BMAL1: variants seen among roughly 807,000 people sequenced by gnomAD.
BMAL1 encodes the protein basic helix-loop-helix ARNT like 1.
the BMAL1 span, among the ~76,000 whole-genome samples, chr11:13,370,780 G>A: frequency 4.6e-5 from 7 of 152,112 alleles, no homozygotes; most frequent in African/African-American, 1.7e-4. Flanking sequence ...ACCCTTCAGT[G>A]TTCCCTATTG....
chr11:13,355,349 G>T, the BMAL1 span: 1 of 1,564,850 alleles, frequency 6.4e-7, no homozygotes, highest in African/African-American at 1.4e-5. Flanking sequence ...TGGAGAGTGG[G>T]TATGAGGGCT....
chr11:13,353,314 C>G, the BMAL1 span: 2 of 156,812 alleles, frequency 1.3e-5, no homozygotes, highest in Non-Finnish European at 2.9e-5. Context: ...CCTCACCACT[C>G]CATGTGCGTC....
chr11:13,296,576 A>G, the BMAL1 span, among the ~76,000 whole-genome samples: 4 of 152,366 alleles, frequency 2.6e-5, no homozygotes, highest in East Asian at 1.9e-4. Context: ...AAATGTATCT[A>G]CATACACGCA....
the BMAL1 span, chr11:13,355,396 G>A: frequency 1.8e-6 from 2 of 1,139,010 alleles, no homozygotes; most frequent in African/African-American, 3.0e-5. Context: ...CTCCCCAGCA[G>A]AAAGACTGCG....
At chr11:13,304,043 G>A in the BMAL1 span, among the ~76,000 whole-genome samples, 1 of 152,114 alleles carries the variant, frequency 6.6e-6, no homozygotes, top group Non-Finnish European at 1.5e-5. Flanking sequence ...ATGGAGTTGT[G>A]GGGGCCAGGC....
At chr11:13,297,754 C>T in the BMAL1 span, among the ~76,000 whole-genome samples, 3 of 152,226 alleles carry the variant, frequency 2.0e-5, no homozygotes, top group Admixed American at 2.0e-4. Flanking sequence ...TCCATCCTAG[C>T]TGAGTGACAT....
the BMAL1 span, among the ~76,000 whole-genome samples, chr11:13,301,050 A>T: frequency 6.6e-6 from 1 of 151,996 alleles, no homozygotes; most frequent in East Asian, 1.9e-4. Context: ...CGATTCTCCT[A>T]CCTCTGCCTC....
the BMAL1 span, among the ~76,000 whole-genome samples, chr11:13,300,899 G>A: frequency 6.6e-6 from 1 of 152,170 alleles, no homozygotes; most frequent in Admixed American, 6.5e-5. Context: ...GCTTTGGAAT[G>A]ATGGGGAAGG....
chr11:13,316,085 G>T, the BMAL1 span, among the ~76,000 whole-genome samples: 16 of 152,112 alleles, frequency 1.1e-4, no homozygotes, highest in Non-Finnish European at 2.2e-4. Flanking sequence ...AAGGAAAGGG[G>T]CCCCCTTTGT....
chr11:13,282,618 C>T, the BMAL1 span, among the ~76,000 whole-genome samples: 4 of 152,304 alleles, frequency 2.6e-5, no homozygotes, highest in African/African-American at 9.6e-5. Flanking sequence ...GGACCCAGGG[C>T]CTTGGTCCTG....
At chr11:13,338,850 G>A in the BMAL1 span, among the ~76,000 whole-genome samples, 3 of 152,254 alleles carry the variant, frequency 2.0e-5, no homozygotes, top group Non-Finnish European at 4.4e-5. Flanking sequence ...TCCTAGGCAC[G>A]TGTTTGATGC....
At chr11:13,374,953 C>T in the BMAL1 span, among the ~76,000 whole-genome samples, 3 of 152,218 alleles carry the variant, frequency 2.0e-5, no homozygotes, top group Non-Finnish European at 1.5e-5. Context: ...GCTCCAGGCA[C>T]ACTGACCTCA....
At chr11:13,375,605 T>C in the BMAL1 span, 2 of 1,559,954 alleles carry the variant, frequency 1.3e-6, no homozygotes, top group Non-Finnish European at 8.6e-7. Flanking sequence ...TTTCTTTACA[T>C]TTTCAGTTTT....
chr11:13,319,820 GA>G, the BMAL1 span, among the ~76,000 whole-genome samples: 1 of 152,178 alleles, frequency 6.6e-6, no homozygotes, highest in Non-Finnish European at 1.5e-5. Context: ...CATTAATACT[GA>G]GGCTGGGTCA....
At chr11:13,346,609 T>C in the BMAL1 span, among the ~76,000 whole-genome samples, 2 of 152,182 alleles carry the variant, frequency 1.3e-5, no homozygotes, top group Admixed American at 6.5e-5. Flanking sequence ...CCCTCCTTGC[T>C]CCTTCCTGTG....
chr11:13,294,140 A>C, the BMAL1 span, among the ~76,000 whole-genome samples: 1 of 152,134 alleles, frequency 6.6e-6, no homozygotes, highest in Non-Finnish European at 1.5e-5. Flanking sequence ...AACTTCATGA[A>C]GGGTTTGTAT....
At chr11:13,326,095 C>T in the BMAL1 span, among the ~76,000 whole-genome samples, 175 of 151,508 alleles carry the variant, frequency 1.2e-3, no homozygotes, top group Non-Finnish European at 1.5e-3. Flanking sequence ...CCCAGCTACT[C>T]GGGAGGCTGA....
the BMAL1 span, among the ~76,000 whole-genome samples, chr11:13,331,525 G>C: frequency 6.6e-6 from 1 of 152,344 alleles, no homozygotes; most frequent in South Asian, 2.1e-4. Context: ...CATAGGACCA[G>C]GGCACAGGCC....
the BMAL1 span, among the ~76,000 whole-genome samples, chr11:13,284,868 G>A: frequency 5.3e-5 from 8 of 152,070 alleles, no homozygotes; most frequent in East Asian, 1.2e-3. Context: ...GGCTCTCCAG[G>A]GTCTGGTCCT....
Sources: allele counts gnomAD v4.1 joint callset (sites outside exome capture counted in the v4.1 genomes callset), GRCh38; gene constraint gnomAD v4.1.1; transcripts MANE v1.5; gene names NCBI Gene and HGNC (gene_info 2026-07-23, HGNC 2026-07-21).